Variants in CSMD1 observed in about 807,000 individuals in gnomAD.
CSMD1 encodes the protein CUB and Sushi multiple domains 1.
CSMD1 carries 213 observed loss-of-function variants against 417.5 expected under a neutral mutation model. The ratio of observed to expected loss-of-function variants is 0.51; its 90% CI spans 0.46 to 0.57. CSMD1 has a LOEUF of 0.57. Ranked by LOEUF, CSMD1 falls within the 20% of genes least tolerant of loss-of-function variation. The pLI is 0.00. For synonymous variants in CSMD1, 2,862 were observed against 1,736.8 expected, an observed-to-expected ratio of 1.65 and a Z score of -16.11; for missense variants, 6,923 against 4,529.7, an observed-to-expected ratio of 1.53 and a Z score of -15.17.
intron 12 of CSMD1, among the ~76,000 whole-genome samples, chr8:3,454,634 A>T (rs1026450412): frequency 6.6e-6 from 1 of 152,220 alleles, no homozygotes; most frequent in Non-Finnish European, 1.5e-5. Flanking sequence ...AATGTTGAAT[A>T]TTGGCCCCCA....
chr8:4,714,508 A>G (rs1181842403), intron 1 of CSMD1, among the ~76,000 whole-genome samples: 1 of 152,222 alleles, frequency 6.6e-6, no homozygotes, highest in African/African-American at 2.4e-5. Flanking sequence ...AAATACTTTA[A>G]TAATTTTGCC....
intron 1 of CSMD1, among the ~76,000 whole-genome samples, chr8:4,875,168 A>C (rs1320972836): frequency 6.6e-6 from 1 of 151,914 alleles, no homozygotes; most frequent in Admixed American, 6.6e-5. Context: ...ACAAATCTTG[A>C]AAGATTCGTG....
At chr8:3,099,277 A>G (rs1474436720) in intron 46 of CSMD1, among the ~76,000 whole-genome samples, 6 of 152,154 alleles carry the variant, frequency 3.9e-5, no homozygotes, top group African/African-American at 1.4e-4. Flanking sequence ...AAGTTCCTTC[A>G]TCTAGCTACT....
At chr8:3,316,552 G>C (rs1273190330) in intron 23 of CSMD1, among the ~76,000 whole-genome samples, 1 of 152,098 alleles carries the variant, frequency 6.6e-6, no homozygotes, top group Non-Finnish European at 1.5e-5. Flanking sequence ...GTTTGAGCAG[G>C]TCTAGGGGCC....
At chr8:4,684,583 G>C (rs1312433179) in intron 1 of CSMD1, among the ~76,000 whole-genome samples, 1 of 152,048 alleles carries the variant, frequency 6.6e-6, no homozygotes, top group African/African-American at 2.4e-5. Context: ...TGGGTGCTTT[G>C]GCCCTGTTAG....
intron 25 of CSMD1, among the ~76,000 whole-genome samples, chr8:3,306,317 G>A (rs1461223817): frequency 6.6e-6 from 1 of 152,036 alleles, no homozygotes; most frequent in East Asian, 1.9e-4. Context: ...GGGATTACAG[G>A]TGTGTGCCAC....
intron 3 of CSMD1, among the ~76,000 whole-genome samples, chr8:4,137,013 G>C (rs1291048824): frequency 6.6e-6 from 1 of 152,196 alleles, no homozygotes; most frequent in African/African-American, 2.4e-5. Context: ...CCAAGCAGCT[G>C]TGTATTTTTA....
chr8:4,847,564 G>A lies in CSMD1; in HGVS notation c.85+146768C>T, dbSNP rs907421376. Among the ~76,000 whole-genome samples, 4 of 152,082 alleles carry A rather than the reference G, an allele frequency of 2.6e-5. No homozygotes were observed. The Middle Eastern group carries it at 9.5e-3, about 361-fold the overall frequency. ...CGATACTGGAATATTTTATTAAAGAGTCCATACTCTATTCAGATTCTTTTC... is the reference window on the plus strand; with the variant it reads ...CGATACTGGAATATTTTATTAAAGAATCCATACTCTATTCAGATTCTTTTC... On this transcript the variant is annotated intron_variant, in intron 1 of 69. Coordinates refer to ENST00000635120, the MANE Select transcript of CSMD1 (RefSeq NM_033225.6).
intron 1 of CSMD1, among the ~76,000 whole-genome samples, chr8:4,708,894 G>C (rs1013976912): frequency 6.6e-6 from 1 of 152,170 alleles, no homozygotes; most frequent in Non-Finnish European, 1.5e-5. Context: ...CACACAGAGA[G>C]TGACAATGTG....
intron 50 of CSMD1, among the ~76,000 whole-genome samples, chr8:3,045,875 A>C (rs1380883783): frequency 6.6e-6 from 1 of 152,290 alleles, no homozygotes; most frequent in East Asian, 1.9e-4. Context: ...CATAATAATT[A>C]AGTAAATTAA....
At chr8:3,257,845 A>C (rs1585825614) in intron 26 of CSMD1, among the ~76,000 whole-genome samples, 2 of 152,026 alleles carry the variant, frequency 1.3e-5, no homozygotes, top group South Asian at 4.1e-4. Flanking sequence ...GCTGCAAGGG[A>C]CTTGGGGCTT....
At chr8:4,182,148 C>CA (rs1264188461) in intron 3 of CSMD1, among the ~76,000 whole-genome samples, 3 of 151,770 alleles carry the variant, frequency 2.0e-5, no homozygotes, top group Non-Finnish European at 4.4e-5. Context: ...ACTAAAAAAA[C>CA]AACATAGCAC....
intron 1 of CSMD1, among the ~76,000 whole-genome samples, chr8:4,657,784 C>T (rs1804337991): frequency 6.7e-6 from 1 of 148,658 alleles, no homozygotes; most frequent in South Asian, 2.1e-4. Flanking sequence ...AAGACTTAAA[C>T]CTACTGTTTA....
rs555435074 is a variant in CSMD1 at position 4,079,935 on chromosome 8, C to G, written c.416-47836G>C. 6.0e-5 allele frequency among the ~76,000 whole-genome samples: 9 copies of G among 150,878 alleles called. No homozygotes were observed. The East Asian group carries it at 1.4e-3, about 23-fold the overall frequency. On this transcript the variant is annotated intron_variant, in intron 3 of 69. Coordinates refer to ENST00000635120, the MANE Select transcript of CSMD1 (RefSeq NM_033225.6). ...TTTCCACCCCTTTTCTCAGTGTCTT[C>G]TCATGGAGTTGTAAAAATAATATAA...
intron 40 of CSMD1, 63 bp from the exon 41 acceptor site, chr8:3,142,737 A>G: frequency 3.7e-6 from 5 of 1,334,346 alleles, no homozygotes; most frequent in Admixed American, 1.7e-5. Flanking sequence ...CAATGCTCAT[A>G]AAAAGGGACT....
intron 12 of CSMD1, among the ~76,000 whole-genome samples, chr8:3,459,877 A>G (rs1816390470): frequency 1.3e-5 from 2 of 152,174 alleles, no homozygotes; most frequent in Admixed American, 1.3e-4. Flanking sequence ...AGACTTAAAA[A>G]AAAACTGGAG....
intron 10 of CSMD1, among the ~76,000 whole-genome samples, chr8:3,519,781 A>G (rs1256813207): frequency 6.6e-6 from 1 of 151,754 alleles, no homozygotes; most frequent in Non-Finnish European, 1.5e-5. Context: ...GAACACTTGC[A>G]TCATTTAATA....
At position 3,058,734 on chromosome 8, in the gene CSMD1, C is replaced by T. The variant is rs547721825; in HGVS notation, c.7475-6087G>A. On this transcript the variant is annotated intron_variant, in intron 49 of 69. Transcript: ENST00000635120. ...ACTTTTCTAACAGGCTGCGTGGTCTCGGAGGAGCAAGGATTTAGACTATCC... is the reference window on the plus strand; with the variant it reads ...ACTTTTCTAACAGGCTGCGTGGTCTTGGAGGAGCAAGGATTTAGACTATCC... 5.9e-5 allele frequency among the ~76,000 whole-genome samples: 9 copies of T among 152,032 alleles called. No individual in the cohort carries two copies. In the South Asian group the frequency reaches 1.3e-3, roughly 21 times the overall value.
At chr8:4,785,835 A>C (rs1193503460) in intron 1 of CSMD1, among the ~76,000 whole-genome samples, 1 of 152,170 alleles carries the variant, frequency 6.6e-6, no homozygotes, top group Non-Finnish European at 1.5e-5. Flanking sequence ...TGTCACTTGG[A>C]AATGATTAAA....
Sources: gnomAD v4.1 joint callset for allele counts (sites outside exome capture counted in the v4.1 genomes callset) on GRCh38, gnomAD v4.1.1 for gene constraint, MANE v1.5 for transcripts, NCBI Gene and HGNC (gene_info 2026-07-23, HGNC 2026-07-21) for gene names.